The following SPECC1 variants were observed in gnomAD, a reference collection of about 807,000 sequenced individuals.
The protein encoded by SPECC1 is cytospin-B.
Under a neutral mutation model 104.1 loss-of-function variants are expected in SPECC1, and 62 were observed. The ratio of observed to expected loss-of-function variants is 0.60; its 90% CI spans 0.49 to 0.74. The LOEUF (loss-of-function observed/expected upper bound fraction) is 0.74, where lower values mean the gene tolerates loss of function less well. Among genes scored for constraint, SPECC1 ranks in the 30% least tolerant of loss-of-function variants. The pLI is 0.00. For synonymous variants in SPECC1, 513 were observed against 501.6 expected (o/e 1.02, Z -0.30); for missense variants, 1,306 against 1,310.5 (o/e 1.00, Z 0.05).
chr17:20,105,091 C>CT lies in SPECC1; in HGVS notation c.148-5326dup, dbSNP rs112449899. On this transcript the variant is annotated intron_variant, in intron 2 of 14. Transcript: ENST00000395527. ...TCTAGAGATACGCCAACTGCTTTCT[C>CT]TTTTTTTTTTCGGTGGGGGGGCGGG... 2.2e-3 allele frequency among the ~76,000 whole-genome samples: 323 copies of CT among 147,894 alleles called. 3 individuals are homozygous for CT. Among genetic ancestry groups the CT allele is most frequent in the Middle Eastern group, 3.4e-3 (1 of 292 alleles).
intron 9 of SPECC1, among the ~76,000 whole-genome samples, chr17:20,251,470 C>T (rs930495073): frequency 2.0e-5 from 3 of 152,064 alleles, no homozygotes; most frequent in African/African-American, 7.2e-5. Context: ...CACTTTTGTT[C>T]AGCCAACTTC....
chr17:20,063,826 A>G (rs34005244), intron 1 of SPECC1, among the ~76,000 whole-genome samples: 43,766 of 151,986 alleles, frequency 0.29, 6,762 homozygotes, highest in Middle Eastern at 0.42. Context: ...TCAGGCTAGT[A>G]ACCCTTCCCT....
intron 3 of SPECC1, among the ~76,000 whole-genome samples, chr17:20,113,552 A>G (rs755565898): frequency 1.3e-5 from 2 of 152,232 alleles, no homozygotes; most frequent in Non-Finnish European, 2.9e-5. Flanking sequence ...CTTCAGGTTC[A>G]TTTTTATAAT....
chr17:20,251,054 C>G (rs958301139), intron 9 of SPECC1, among the ~76,000 whole-genome samples: 1 of 151,642 alleles, frequency 6.6e-6, no homozygotes, highest in African/African-American at 2.4e-5. Flanking sequence ...TGGCGAAACC[C>G]CATCTCTACT....
At chr17:20,107,797 A>T (rs548419936) in intron 2 of SPECC1, among the ~76,000 whole-genome samples, 1 of 152,204 alleles carries the variant, frequency 6.6e-6, no homozygotes, top group African/African-American at 2.4e-5. Context: ...AAGTGCTAGG[A>T]TTATAGGCAT....
intron 13 of SPECC1, 110 bp from the exon 14 acceptor site, chr17:20,305,913 C>T (rs767685445): frequency 3.2e-5 from 29 of 911,646 alleles, no homozygotes; most frequent in South Asian, 2.4e-4. Flanking sequence ...TACTATTCTT[C>T]GCTTTATAAT....
At chr17:20,099,876 T>A (rs1408825144) in intron 2 of SPECC1, among the ~76,000 whole-genome samples, 1 of 152,092 alleles carries the variant, frequency 6.6e-6, no homozygotes, top group African/African-American at 2.4e-5. Flanking sequence ...AGTCATTCCT[T>A]GGTATCCTTG....
intron 3 of SPECC1, among the ~76,000 whole-genome samples, chr17:20,127,747 A>G (rs1032402528): frequency 6.6e-6 from 1 of 151,824 alleles, no homozygotes; most frequent in Non-Finnish European, 1.5e-5. Context: ...TGTTGTTCTC[A>G]TTGTTACTTT....
rs774023689 is a variant in SPECC1, at chr17:20,257,445, C to T, written c.2681-6C>T. ...GGAATGAGTGATTATGTGGTTGTTCCCACAGATATTCTAAAGGGAAGGACT... is the reference window on the plus strand; with the variant it reads ...GGAATGAGTGATTATGTGGTTGTTCTCACAGATATTCTAAAGGGAAGGACT... On this transcript the variant is annotated splice_polypyrimidine_tract_variant and splice_region_variant and intron_variant, in intron 10 of 14. Coordinates refer to ENST00000395527, the MANE Select transcript of SPECC1 (RefSeq NM_001243439.2). The T allele has an allele frequency of 3.2e-6, 5 of 1,562,110 alleles. No individual in the cohort carries two copies. The highest frequency in any genetic ancestry group is 2.3e-5 in the East Asian group (1 of 44,002).
chr17:20,214,532 G>T (rs530602353), intron 4 of SPECC1, among the ~76,000 whole-genome samples: 1 of 152,254 alleles, frequency 6.6e-6, no homozygotes, highest in South Asian at 2.1e-4. Context: ...TTTTGAGACG[G>T]AGTCTTGCTC....
At chr17:20,021,232 T>A (rs527707495) in intron 1 of SPECC1, among the ~76,000 whole-genome samples, 2 of 152,206 alleles carry the variant, frequency 1.3e-5, no homozygotes, top group Admixed American at 6.5e-5. Flanking sequence ...AAAATCCACA[T>A]GTAAGTGGAC....
intron 3 of SPECC1, among the ~76,000 whole-genome samples, chr17:20,116,290 A>G (rs1174322601): frequency 3.9e-5 from 6 of 151,950 alleles, no homozygotes; most frequent in Admixed American, 1.3e-4. Context: ...GGGTTTCACC[A>G]TGTTAGCCAG....
intron 12 of SPECC1, among the ~76,000 whole-genome samples, chr17:20,262,470 T>A (rs114211053): frequency 2.0e-5 from 3 of 152,228 alleles, no homozygotes; most frequent in African/African-American, 7.2e-5. Context: ...GTATTGTCAG[T>A]CTTTTTACTC....
In SPECC1 at chr17:20,298,122, C is replaced by T. The variant is rs146639309; in HGVS notation, c.3057+1045C>T. ...ATCCCAGTACTTTGGGAGGCCGAAG[C>T]GGGTGGATCACTTGAGTTCAGGAGT... On this transcript the variant is annotated intron_variant, in intron 13 of 14. Transcript: ENST00000395527. Among the ~76,000 whole-genome samples, 693 of 152,182 alleles carry T rather than the reference C, an allele frequency of 4.6e-3. 7 individuals are homozygous for T. Among genetic ancestry groups the T allele is most frequent in the Middle Eastern group, 0.017 (5 of 294 alleles).
intron 12 of SPECC1, among the ~76,000 whole-genome samples, chr17:20,266,338 C>T (rs1386036965): frequency 6.6e-5 from 10 of 152,170 alleles, no homozygotes. Flanking sequence ...AATCCCAGCA[C>T]TTTGGGAGGC....
intron 3 of SPECC1, among the ~76,000 whole-genome samples, chr17:20,199,544 G>C (rs1003971034): frequency 6.6e-6 from 1 of 151,690 alleles, no homozygotes; most frequent in Non-Finnish European, 1.5e-5. Context: ...GGGACCACAG[G>C]TGCATGCCCC....
Position 20,227,544 on chromosome 17 carries a change from A to G in SPECC1, c.1995A>G (p.Ile665Met), listed in dbSNP as rs1212408023. Reference protein sequence around the residue: ...DAEIKDMKETIFELEDQVEQH... With the variant: ...DAEIKDMKETMFELEDQVEQH... ...AGATCAAAGACATGAAAGAAACCAT[A>G]TTTGAATTGGAAGATCAGGTGGAAC... The change falls in exon 5 of 15, where the codon ATA (isoleucine) becomes ATG (methionine). Residue 665 changes from isoleucine (I) to methionine (M), a missense_variant. This residue lies in a region of SPECC1 where 1,177 missense variants were observed against 1,139.9 expected (regional missense o/e 1.03). Transcript: ENST00000395527. 1 of 1,612,722 alleles carries G rather than the reference A, an allele frequency of 6.2e-7. No homozygotes were observed. The highest frequency in any genetic ancestry group is 2.2e-5 in the East Asian group (1 of 44,890).
At chr17:20,051,397 A>G (rs2045771936) in intron 1 of SPECC1, among the ~76,000 whole-genome samples, 2 of 151,614 alleles carry the variant, frequency 1.3e-5, no homozygotes, top group Non-Finnish European at 1.5e-5. Context: ...CTGGTCTTGA[A>G]CTCTTGACCT....
At chr17:20,207,868 T>C (rs2036886192) in intron 4 of SPECC1, among the ~76,000 whole-genome samples, 1 of 152,248 alleles carries the variant, frequency 6.6e-6, no homozygotes, top group Non-Finnish European at 1.5e-5. Context: ...AGTTTATCTA[T>C]TCCACTATTA....
Sources: allele counts gnomAD v4.1 joint callset (sites outside exome capture counted in the v4.1 genomes callset), GRCh38; gene constraint gnomAD v4.1.1; regional missense constraint gnomAD v4.1.1; transcripts MANE v1.5; gene names NCBI Gene and HGNC (gene_info 2026-07-23, HGNC 2026-07-21).